PTPRM: variants seen among roughly 807,000 people sequenced by gnomAD.
PTPRM encodes the protein receptor-type tyrosine-protein phosphatase mu.
PTPRM carries 47 observed loss-of-function variants against 186.7 expected under a neutral mutation model. That is an observed-to-expected ratio of 0.25 (90% confidence interval 0.20 to 0.32). The LOEUF is 0.32. Among genes scored for constraint, PTPRM ranks in the 10% least tolerant of loss-of-function variants. The pLI is 1.00. For missense variants in PTPRM, 1,494 were observed against 1,865.0 expected (o/e 0.80, Z 3.66); for synonymous variants, 668 against 674.9 (o/e 0.99, Z 0.16).
intron 6 of PTPRM, among the ~76,000 whole-genome samples, chr18:7,950,084 G>A (rs1473691879): frequency 2.0e-5 from 3 of 152,118 alleles, no homozygotes; most frequent in Non-Finnish European, 2.9e-5. Context: ...AGAACAGAAT[G>A]AGGACTGCTT....
intron 2 of PTPRM, among the ~76,000 whole-genome samples, chr18:7,788,093 G>A (rs1008090138): frequency 6.6e-6 from 1 of 152,158 alleles, no homozygotes; most frequent in African/African-American, 2.4e-5. Context: ...AGCATACCTC[G>A]ATAAGTTACA....
intron 31 of PTPRM, among the ~76,000 whole-genome samples, chr18:8,393,822 T>TCC: frequency 6.6e-6 from 1 of 152,228 alleles, no homozygotes; most frequent in South Asian, 2.1e-4. Flanking sequence ...GGAGTCTCGC[T>TCC]CTGTTGCCCA....
At chr18:8,252,321 A>G (rs771301784) in intron 17 of PTPRM, among the ~76,000 whole-genome samples, 167 bp from the exon 18 acceptor site, 3 of 152,376 alleles carry the variant, frequency 2.0e-5, no homozygotes, top group African/African-American at 7.2e-5. Context: ...TCCTAACGTG[A>G]TGGAAGAATT....
At chr18:7,650,464 A>C (rs2038673443) in intron 1 of PTPRM, among the ~76,000 whole-genome samples, 1 of 123,432 alleles carries the variant, frequency 8.1e-6, no homozygotes, top group Admixed American at 8.5e-5. Flanking sequence ...CCCCACTGTA[A>C]TTTATTGTGG....
chr18:7,852,940 A>G (rs984756433), intron 2 of PTPRM, among the ~76,000 whole-genome samples: 2 of 152,224 alleles, frequency 1.3e-5, no homozygotes, highest in African/African-American at 4.8e-5. Flanking sequence ...GCTGAACTAA[A>G]CTGTTAAAAA....
At chr18:7,724,915 C>G (rs1027766703) in intron 1 of PTPRM, among the ~76,000 whole-genome samples, 15 of 152,184 alleles carry the variant, frequency 9.9e-5, no homozygotes, top group African/African-American at 3.6e-4. Flanking sequence ...TGTCTTTATA[C>G]ACATACCAGT....
intron 14 of PTPRM, among the ~76,000 whole-genome samples, chr18:8,148,104 TC>T (rs1488322303): frequency 6.6e-6 from 1 of 152,200 alleles, no homozygotes; most frequent in Non-Finnish European, 1.5e-5. Flanking sequence ...CCTGAAATTT[TC>T]TTTTTTTGTT....
chr18:7,629,261 G>A (rs2038134253), intron 1 of PTPRM, among the ~76,000 whole-genome samples: 1 of 152,178 alleles, frequency 6.6e-6, no homozygotes, highest in African/African-American at 2.4e-5. Context: ...CAGAAGGGAT[G>A]GATTGCCTAA....
At chr18:7,985,188 CAT>C (rs1346730120) in intron 7 of PTPRM, among the ~76,000 whole-genome samples, 56 of 120,528 alleles carry the variant, frequency 4.6e-4, no homozygotes, top group African/African-American at 4.0e-4. Context: ...TGTATATACA[CAT>C]ATAAATATAT....
At chr18:7,691,182 C>A (rs1425539040) in intron 1 of PTPRM, among the ~76,000 whole-genome samples, 1 of 151,914 alleles carries the variant, frequency 6.6e-6, no homozygotes, top group Non-Finnish European at 1.5e-5. Context: ...ATATGTAAAT[C>A]AGAGTGCTTT....
intron 2 of PTPRM, among the ~76,000 whole-genome samples, chr18:7,864,166 A>G (rs2047543533): frequency 6.6e-6 from 1 of 152,158 alleles, no homozygotes; most frequent in Non-Finnish European, 1.5e-5. Flanking sequence ...CTCTGATGAT[A>G]GTTGATTTTG....
chr18:7,578,622 A>G (rs962436569), intron 1 of PTPRM, among the ~76,000 whole-genome samples: 1 of 149,286 alleles, frequency 6.7e-6, no homozygotes, highest in African/African-American at 2.5e-5. Context: ...GGCGTGAGCC[A>G]CAGCGCCTGG....
At chr18:8,368,331 G>A (rs2095644554) in intron 23 of PTPRM, among the ~76,000 whole-genome samples, 1 of 151,766 alleles carries the variant, frequency 6.6e-6, no homozygotes, top group African/African-American at 2.4e-5. Context: ...CTTTACATCT[G>A]GGAAAGGAGA....
chr18:8,215,689 C>T (rs1271620432), intron 14 of PTPRM, among the ~76,000 whole-genome samples: 3 of 151,918 alleles, frequency 2.0e-5, no homozygotes, highest in Middle Eastern at 3.4e-3. Context: ...ACTACAGGCT[C>T]ATGCCACTAG....
intron 2 of PTPRM, among the ~76,000 whole-genome samples, chr18:7,850,103 A>G (rs1354165821): frequency 6.6e-6 from 1 of 152,184 alleles, no homozygotes; most frequent in Admixed American, 6.5e-5. Flanking sequence ...AACTTAGGTG[A>G]TCTTCAGATG....
At position 8,147,520 on chromosome 18, in the gene PTPRM, T is replaced by C. The variant is rs575971582; in HGVS notation, c.2300+3741T>C. On this transcript the variant is annotated intron_variant, in intron 14 of 32. Transcript: ENST00000580170. Reference sequence around the variant, plus strand: ...TTGTATCCTGAGACTTTGCTGAAGTTACTTATCAGCTTAAGGAGGTTAGGG... The same window carrying C: ...TTGTATCCTGAGACTTTGCTGAAGTCACTTATCAGCTTAAGGAGGTTAGGG... Among the ~76,000 whole-genome samples the C allele has an allele frequency of 4.9e-4, 75 of 152,370 alleles. 1 individual carries two copies. The Middle Eastern group carries it at 0.01, about 21-fold the overall frequency.
chr18:8,171,418 C>G (rs895776437), intron 14 of PTPRM, among the ~76,000 whole-genome samples: 2 of 152,074 alleles, frequency 1.3e-5, no homozygotes, highest in African/African-American at 4.8e-5. Flanking sequence ...AATATTGAAC[C>G]AGATGCCACT....
intron 14 of PTPRM, among the ~76,000 whole-genome samples, chr18:8,191,854 A>G (rs11876794): frequency 2.7e-3 from 417 of 152,310 alleles, no homozygotes; most frequent in African/African-American, 9.5e-3. Context: ...GAGATTGTAT[A>G]TAGATGGAAG....
At chr18:7,797,079 C>T (rs532062477) in intron 2 of PTPRM, among the ~76,000 whole-genome samples, 1 of 152,184 alleles carries the variant, frequency 6.6e-6, no homozygotes, top group Non-Finnish European at 1.5e-5. Context: ...ATGTACCTGT[C>T]CTTTTTCACC....
Sources: gnomAD v4.1 joint callset for allele counts (sites outside exome capture counted in the v4.1 genomes callset) on GRCh38, gnomAD v4.1.1 for gene constraint, MANE v1.5 for transcripts, NCBI Gene and HGNC (gene_info 2026-07-23, HGNC 2026-07-21) for gene names.